Variants in GIMAP8 observed in about 807,000 individuals in gnomAD.
GIMAP8 encodes GTPase IMAP family member 8.
Under a neutral mutation model 35.6 loss-of-function variants are expected in GIMAP8, and 29 were observed. That is an observed-to-expected ratio of 0.81 (90% CI 0.61 to 1.11). The LOEUF (loss-of-function observed/expected upper bound fraction) is 1.11. Among genes scored for constraint, GIMAP8 ranks in the 50% most tolerant of loss-of-function variants. GIMAP8 has a pLI of 0.00. For synonymous variants in GIMAP8, 335 were observed against 308.7 expected, an observed-to-expected ratio of 1.09 and a Z score of -0.89; for missense variants, 811 against 805.0, an observed-to-expected ratio of 1.01 and a Z score of -0.09.
At chr7:150,471,330 A>C in intron 3 of GIMAP8, among the ~76,000 whole-genome samples, 1 of 152,202 alleles carries the variant, frequency 6.6e-6, no homozygotes, top group Non-Finnish European at 1.5e-5. Context: ...ATATGTATAG[A>C]TCTACCTCCT....
chr7:150,462,322 A>G (rs1801859774), intron 1 of GIMAP8, among the ~76,000 whole-genome samples: 1 of 152,228 alleles, frequency 6.6e-6, no homozygotes, highest in Admixed American at 6.5e-5. Flanking sequence ...GAGGCCTGAC[A>G]CATTGTTCCT....
At position 150,467,340 on chromosome 7, in the gene GIMAP8, A is replaced by T; in HGVS notation, c.636+6A>T. On this transcript the variant is annotated splice_donor_region_variant and intron_variant, in intron 2 of 4. Transcript: ENST00000307271. ...CTGAAGGCAGCAGGTTTCAAGTAAGAATTTTGTTAATATCTTGAAAGATCT... is the reference window on the plus strand; with the variant it reads ...CTGAAGGCAGCAGGTTTCAAGTAAGTATTTTGTTAATATCTTGAAAGATCT... The T allele has an allele frequency of 6.2e-7, 1 of 1,604,366 alleles. No individual in the cohort carries two copies. Among genetic ancestry groups the T allele is most frequent in the Non-Finnish European group, 8.5e-7 (1 of 1,173,728 alleles).
chr7:150,466,654 G>A lies in GIMAP8; in HGVS notation c.-28-17G>A, dbSNP rs775245961. 2 of 1,591,052 alleles carry A rather than the reference G, an allele frequency of 1.3e-6. No homozygotes were observed. The highest frequency in any genetic ancestry group is 2.3e-5 in the South Asian group (2 of 88,054). On this transcript the variant is annotated splice_polypyrimidine_tract_variant and intron_variant, in intron 1 of 4. Transcript: ENST00000307271. ...TGTGGGAGTTGAACATTAATGTGTT[G>A]TTTTCTGTCCCAACAGAACAAGCGG...
At position 150,471,983 on chromosome 7, in the gene GIMAP8, G is replaced by A. The variant is rs561545075; in HGVS notation, c.682+1109G>A. Among the ~76,000 whole-genome samples, 3 of 152,290 alleles carry A rather than the reference G, an allele frequency of 2.0e-5. No individual in the cohort carries two copies. In the East Asian group the frequency reaches 5.8e-4, roughly 29 times the overall value. On this transcript the variant is annotated intron_variant, in intron 3 of 4. Coordinates refer to ENST00000307271, the MANE Select transcript of GIMAP8 (RefSeq NM_175571.4). Reference sequence around the variant, plus strand: ...AACAATCTTGTAAAGAAGATGTTGTGAGCCTCATCCTCATTTCACAGCTGA... The same window carrying A: ...AACAATCTTGTAAAGAAGATGTTGTAAGCCTCATCCTCATTTCACAGCTGA...
At chr7:150,458,769 T>TA (rs2116591270) in intron 1 of GIMAP8, among the ~76,000 whole-genome samples, 1 of 152,334 alleles carries the variant, frequency 6.6e-6, no homozygotes, top group African/African-American at 2.4e-5. Context: ...TCCTGTAACT[T>TA]AAGTACTATG....
rs1802183052 is a variant in GIMAP8 at position 150,474,623 on chromosome 7, G to A, written c.1294G>A (p.Val432Ile). The A allele has an allele frequency of 6.3e-7, 1 of 1,583,912 alleles. No homozygotes were observed. The highest frequency in any genetic ancestry group is 8.6e-7 in the Non-Finnish European group (1 of 1,169,110). The change falls in exon 4 of 5, where the codon GTT (valine) becomes ATT (isoleucine). Residue 432 changes from valine to isoleucine, a missense_variant. Transcript: ENST00000307271. ...GCATCAGAATGGGAACAAGCATTGT[G>A]TTTTCAGAGAAAAAGGTAAAACTGT... ...MVHQNGNKHC[V>I]FREKETLNIV...
rs1489112749 is a variant in GIMAP8, at chr7:150,474,530, T to C, written c.1201T>C (p.Tyr401His). The C allele has an allele frequency of 1.6e-5, 25 of 1,577,664 alleles. 1 individual carries two copies. The Admixed American group carries it at 4.2e-4, about 27-fold the overall frequency. Residue 401 changes from tyrosine (Y) to histidine (H), a missense_variant, in exon 4 of 5, where the codon TAC becomes CAC. By Grantham distance (83) the Tyr-to-His change is moderately conservative. Coordinates refer to ENST00000307271, the MANE Select transcript of GIMAP8 (RefSeq NM_175571.4). ...KCKNRYSAFN[Y>H]RATGEEEQRQ... ...TAAAAACAGATATAGTGCCTTCAAC[T>C]ACCGGGCAACAGGAGAAGAAGAGCA... is the stretch of plus-strand genomic sequence containing the variant.
chr7:150,456,650 T>C (rs1038055225), intron 1 of GIMAP8, among the ~76,000 whole-genome samples: 2 of 152,362 alleles, frequency 1.3e-5, no homozygotes, highest in South Asian at 2.1e-4. Flanking sequence ...GGGATTAGCA[T>C]GTGGACACCT....
chr7:150,465,299 G>A (rs1376510931), intron 1 of GIMAP8, among the ~76,000 whole-genome samples: 2 of 151,950 alleles, frequency 1.3e-5, no homozygotes, highest in Non-Finnish European at 2.9e-5. Context: ...CTTCCCAGGT[G>A]AGGGCATCAT....
intron 1 of GIMAP8, among the ~76,000 whole-genome samples, chr7:150,454,225 G>C (rs1205441489): frequency 6.6e-6 from 1 of 151,648 alleles, no homozygotes; most frequent in African/African-American, 2.4e-5. Flanking sequence ...CACTATAAAG[G>C]CTTTGCCTTT....
Position 150,451,939 on chromosome 7 carries a change from T to C in GIMAP8, c.-29+764T>C, listed in dbSNP as rs1400041314. ...GTCTAAGGTCTTCCCCACGCTGGGC[T>C]CTGGAGGCATCTCCAACCACCCTGC... On this transcript the variant is annotated intron_variant, in intron 1 of 4. Coordinates refer to ENST00000307271, the MANE Select transcript of GIMAP8 (RefSeq NM_175571.4). The surrounding 1 kb of genome is among the most constrained non-coding windows in gnomAD (Gnocchi z 4.1). Among the ~76,000 whole-genome samples the C allele has an allele frequency of 6.6e-6, 1 of 152,184 alleles. No homozygotes were observed. Among genetic ancestry groups the C allele is most frequent in the African/African-American group, 2.4e-5 (1 of 41,428 alleles).
In GIMAP8 at chr7:150,451,774, T is replaced by C. The variant is rs1354797508; in HGVS notation, c.-29+599T>C. Among the ~76,000 whole-genome samples the C allele has an allele frequency of 9.2e-5, 14 of 152,232 alleles. No homozygotes were observed. The highest frequency in any genetic ancestry group is 1.5e-5 in the Non-Finnish European group (1 of 68,034). On this transcript the variant is annotated intron_variant, in intron 1 of 4. Coordinates refer to ENST00000307271, the MANE Select transcript of GIMAP8 (RefSeq NM_175571.4). This position sits in a 1 kb window ranked among gnomAD's most constrained non-coding sequence, Gnocchi z 4.1. ...CCTGCCCCTTGCACAGTTAGGATTC[T>C]GTGAACTGGGCATTGGAGGGATTGG... is the stretch of plus-strand genomic sequence containing the variant.
chr7:150,461,226 T>C (rs1180363403), intron 1 of GIMAP8, among the ~76,000 whole-genome samples: 9 of 152,260 alleles, frequency 5.9e-5, no homozygotes, highest in Non-Finnish European at 1.3e-4. Flanking sequence ...AAATGTTCTG[T>C]AAACATCTGT....
chr7:150,455,063 G>C (rs180777028), intron 1 of GIMAP8, among the ~76,000 whole-genome samples: 1,683 of 151,288 alleles, frequency 0.011, 16 homozygotes, highest in Non-Finnish European at 0.018. Context: ...GCTTGAACCC[G>C]GGAGATAGAG....
Position 150,451,601 on chromosome 7 carries a change from G to A in GIMAP8, c.-29+426G>A, listed in dbSNP as rs967912648. On this transcript the variant is annotated intron_variant, in intron 1 of 4. Transcript: ENST00000307271. This position sits in a 1 kb window ranked among gnomAD's most constrained non-coding sequence, Gnocchi z 4.1. ...GGAGGGCTGAGACTGGCAGAAGGGA[G>A]GAAGAAGCAGGCGGAAGCAGCCGGT... 6.6e-6 allele frequency among the ~76,000 whole-genome samples: 1 copy of A among 152,172 alleles called. No homozygotes were observed. The highest frequency in any genetic ancestry group is 2.4e-5 in the African/African-American group (1 of 41,438).
chr7:150,473,585 T>C (rs967059733), intron 3 of GIMAP8, among the ~76,000 whole-genome samples: 1 of 149,028 alleles, frequency 6.7e-6, no homozygotes, highest in African/African-American at 2.5e-5. Flanking sequence ...GCTAGTTCAC[T>C]TTTTTTTTAA....
intron 1 of GIMAP8, among the ~76,000 whole-genome samples, chr7:150,466,277 C>T (rs1309545423): frequency 6.6e-6 from 1 of 152,080 alleles, no homozygotes; most frequent in Admixed American, 6.5e-5. Flanking sequence ...AGGATCTTTC[C>T]TTTGAGATTC....
At chr7:150,463,826 G>A (rs1319444010) in intron 1 of GIMAP8, among the ~76,000 whole-genome samples, 2 of 152,286 alleles carry the variant, frequency 1.3e-5, no homozygotes, top group African/African-American at 2.4e-5. Context: ...TGGAGGACCC[G>A]AGTAGGCCAG....
rs762251598 is a variant in GIMAP8 at position 150,477,741 on chromosome 7, C to G, written c.1959C>G (p.Ala653=). The G allele has an allele frequency of 6.2e-7, 1 of 1,612,902 alleles. No homozygotes were observed. The highest frequency in any genetic ancestry group is 1.1e-5 in the South Asian group (1 of 90,980). Residue 653 remains alanine (A), a synonymous_variant, in exon 5 of 5, where the codon GCC becomes GCG. Coordinates refer to ENST00000307271, the MANE Select transcript of GIMAP8 (RefSeq NM_175571.4). ...AAAATGTCCAGGAAATGTCCCAAGC[C>G]GAAAAACTCCTTAAAAATTTAATAG... ...LIKNVQEMSQ[A]EKLLKNLIGI... is the part of the protein sequence containing the mutation.
Sources: allele counts gnomAD v4.1 joint callset (sites outside exome capture counted in the v4.1 genomes callset), GRCh38; gene constraint gnomAD v4.1.1; non-coding constraint Gnocchi (gnomAD v3.1); transcripts MANE v1.5; gene names NCBI Gene and HGNC (gene_info 2026-07-23, HGNC 2026-07-21).